Variants in SCX observed in about 807,000 individuals in gnomAD.
SCX encodes scleraxis bHLH transcription factor, also known as basic helix-loop-helix transcription factor scleraxis.
In SCX, 7 loss-of-function variants were observed where a neutral mutation model predicts 12.2. The observed-to-expected ratio is 0.57, with a 90% confidence interval of 0.33 to 1.08. The LOEUF is 1.08. SCX is among the 50% of genes least tolerant of loss of function. The pLI is 0.04. For missense variants in SCX, 342 were observed against 337.2 expected, an observed-to-expected ratio of 1.01 and a Z score of -0.11; for synonymous variants, 193 against 163.9, an observed-to-expected ratio of 1.18 and a Z score of -1.36.
At position 144,266,940 on chromosome 8, in the gene SCX, C is replaced by T. The variant is rs1259712253; in HGVS notation, c.327C>T (p.Arg109=). The change falls in exon 1 of 2, where the codon CGC becomes CGT. Residue 109 remains arginine, a synonymous_variant. Transcript: ENST00000567180. Reference sequence around the variant, plus strand: ...TGATCCCCACCGAGCCCGCCGACCGCAAGCTCTCCAAGATTGAGACGCTGC... The same window carrying T: ...TGATCCCCACCGAGCCCGCCGACCGTAAGCTCTCCAAGATTGAGACGCTGC... ...RTLIPTEPAD[R]KLSKIETLRL... is the part of the protein sequence containing the mutation. 3.8e-6 allele frequency: 6 copies of T among 1,559,976 alleles called. No individual in the cohort carries two copies. The Admixed American group carries it at 8.7e-5, about 23-fold the overall frequency.
At position 144,266,644 on chromosome 8, in the gene SCX, C is replaced by A; in HGVS notation, c.31C>A (p.Pro11Thr). MSFATLRPAPPGRYLYPEVSP... is the reference protein window; with the variant it reads MSFATLRPAPTGRYLYPEVSP... Reference sequence around the variant, plus strand: ...CTTCGCCACGCTGCGCCCGGCGCCGCCGGGCCGCTACCTGTACCCCGAGGT... The same window carrying A: ...CTTCGCCACGCTGCGCCCGGCGCCGACGGGCCGCTACCTGTACCCCGAGGT... Residue 11 changes from proline to threonine, a missense_variant, in exon 1 of 2, where the codon CCG (proline) becomes ACG (threonine). Transcript: ENST00000567180. The A allele has an allele frequency of 8.0e-7, 1 of 1,246,270 alleles. No homozygotes were observed. Among genetic ancestry groups the A allele is most frequent in the Non-Finnish European group, 1.0e-6 (1 of 975,468 alleles). 77.2% of individuals were successfully genotyped at this position (1,246,270 alleles called of 1,614,324 possible).
chr8:144,267,993 G>C, intron 1 of SCX, 111 bp from the exon 2 acceptor site: 1 of 1,486,090 alleles, frequency 6.7e-7, no homozygotes. Flanking sequence ...GAGCCGGGAA[G>C]GAGGTGCCTT....
chr8:144,267,631 T>C (rs1010869698), intron 1 of SCX, among the ~76,000 whole-genome samples: 2 of 152,234 alleles, frequency 1.3e-5, no homozygotes, highest in Non-Finnish European at 2.9e-5. Context: ...GGGCACCTGC[T>C]GTCCGTCCCC....
At chr8:144,267,231 C>A (rs1334343983) in intron 1 of SCX, 51 bp downstream of exon 1, 17 of 1,466,716 alleles carry the variant, frequency 1.2e-5, no homozygotes, top group Non-Finnish European at 1.4e-5. Flanking sequence ...CGCCCCTCAG[C>A]CCACACCTGC....
Sources: allele counts gnomAD v4.1 joint callset (sites outside exome capture counted in the v4.1 genomes callset), GRCh38; gene constraint gnomAD v4.1.1; transcripts MANE v1.5; gene names NCBI Gene and HGNC (gene_info 2026-07-23, HGNC 2026-07-21).